The following VPS13B variants were observed in gnomAD, a reference collection of about 807,000 sequenced individuals.
VPS13B encodes intermembrane lipid transfer protein VPS13B.
A neutral mutation model predicts 426.4 loss-of-function variants in VPS13B; 285 were observed. The observed-to-expected ratio is 0.67, with a 90% CI of 0.61 to 0.74. The LOEUF (loss-of-function observed/expected upper bound fraction) is 0.74. VPS13B is among the 30% of genes least tolerant of loss of function. VPS13B has a pLI of 0.00. For synonymous variants in VPS13B, 1,676 were observed against 1,676.4 expected, an observed-to-expected ratio of 1.00 and a Z score of 0.01; for missense variants, 4,537 against 4,782.6, an observed-to-expected ratio of 0.95 and a Z score of 1.51.
At chr8:99,720,658 TA>T (rs1271235042) in intron 38 of VPS13B, 106 bp downstream of exon 38, 2 of 1,316,542 alleles carry the variant, frequency 1.5e-6, no homozygotes, top group Non-Finnish European at 2.2e-6. Flanking sequence ...TAAAGTGCGT[TA>T]AAATTTGCAG....
intron 51 of VPS13B, among the ~76,000 whole-genome samples, chr8:99,827,233 G>A (rs1814743397): frequency 6.6e-6 from 1 of 152,158 alleles, no homozygotes; most frequent in Non-Finnish European, 1.5e-5. Context: ...ATTAATTACT[G>A]TCTCTATTTC....
At position 99,620,160 on chromosome 8, in the gene VPS13B, C is replaced by T. The variant is rs185176606; in HGVS notation, c.5221-21651C>T. Among the ~76,000 whole-genome samples the T allele has an allele frequency of 2.9e-3, 438 of 151,862 alleles. 4 individuals are homozygous for T. Among genetic ancestry groups the T allele is most frequent in the African/African-American group, 9.9e-3 (411 of 41,432 alleles). On this transcript the variant is annotated intron_variant, in intron 33 of 61. Transcript: ENST00000357162. Reference sequence around the variant, plus strand: ...AAGTTTTTCTGTGTTTGAAAATTTTCGTGATGACATTGAAAAAAATAAGTT... The same window carrying T: ...AAGTTTTTCTGTGTTTGAAAATTTTTGTGATGACATTGAAAAAAATAAGTT...
intron 25 of VPS13B, among the ~76,000 whole-genome samples, chr8:99,494,068 C>T (rs775748771): frequency 5.9e-5 from 9 of 152,056 alleles, no homozygotes; most frequent in Non-Finnish European, 1.0e-4. Context: ...ATGCTAAACA[C>T]ATGTAATGTG....
chr8:99,724,697 C>T (rs954773534), intron 39 of VPS13B, among the ~76,000 whole-genome samples: 1 of 152,098 alleles, frequency 6.6e-6, no homozygotes, highest in Non-Finnish European at 1.5e-5. Context: ...TTGTTTCCTC[C>T]CCTCCGCTTT....
At chr8:99,451,305 C>A (rs1032255618) in intron 23 of VPS13B, among the ~76,000 whole-genome samples, 1 of 152,006 alleles carries the variant, frequency 6.6e-6, no homozygotes, top group Non-Finnish European at 1.5e-5. Context: ...TTTTGTATTT[C>A]TTTATTTTCC....
intron 17 of VPS13B, among the ~76,000 whole-genome samples, chr8:99,214,620 A>G (rs1028111139): frequency 3.3e-5 from 5 of 152,138 alleles, no homozygotes; most frequent in Non-Finnish European, 5.9e-5. Flanking sequence ...CTTTTTACCT[A>G]TGTTTAATCA....
chr8:99,022,936 T>G (rs1029800869), intron 2 of VPS13B, among the ~76,000 whole-genome samples: 1 of 152,150 alleles, frequency 6.6e-6, no homozygotes, highest in Non-Finnish European at 1.5e-5. Flanking sequence ...ATTTTGTTTT[T>G]CTACTCTCAA....
rs554153041 is a variant in VPS13B, at chr8:99,666,295, G to A, written c.6046+4804G>A. ...TCAGTAGAAAAACAGGGAATCCTCC[G>A]TAACTCATTTTATGAGGCCAGCATC... On this transcript the variant is annotated intron_variant, in intron 35 of 61. Transcript: ENST00000357162. 1.8e-4 allele frequency among the ~76,000 whole-genome samples: 28 copies of A among 152,226 alleles called. No homozygotes were observed. In the South Asian group the frequency reaches 4.6e-3, roughly 25 times the overall value.
intron 20 of VPS13B, among the ~76,000 whole-genome samples, chr8:99,387,567 C>T (rs1386561524): frequency 6.6e-6 from 1 of 152,068 alleles, no homozygotes; most frequent in Admixed American, 6.6e-5. Context: ...TATTTTACTA[C>T]AGTTTGGCAT....
At chr8:99,437,778 A>G (rs1266005259) in intron 22 of VPS13B, among the ~76,000 whole-genome samples, 1 of 152,150 alleles carries the variant, frequency 6.6e-6, no homozygotes, top group African/African-American at 2.4e-5. Context: ...ACAATAGATT[A>G]GCATAAGTTC....
At chr8:99,074,213 A>G (rs997448625) in intron 3 of VPS13B, among the ~76,000 whole-genome samples, 2 of 152,084 alleles carry the variant, frequency 1.3e-5, no homozygotes, top group East Asian at 3.9e-4. Flanking sequence ...GGCCTTTATT[A>G]TGTTGAGGTG....
At chr8:99,138,523 A>G (rs1326062736) in intron 12 of VPS13B, among the ~76,000 whole-genome samples, 2 of 152,186 alleles carry the variant, frequency 1.3e-5, no homozygotes, top group Non-Finnish European at 2.9e-5. Context: ...GTTAATTTTC[A>G]TGGGCCTGAC....
chr8:99,453,184 A>G (rs1447820575), intron 23 of VPS13B, among the ~76,000 whole-genome samples: 2 of 151,458 alleles, frequency 1.3e-5, no homozygotes, highest in Non-Finnish European at 2.9e-5. Flanking sequence ...TGTTCACCTT[A>G]GTGGTTTATA....
chr8:99,098,152 G>C (rs1379187176), intron 4 of VPS13B, among the ~76,000 whole-genome samples: 1 of 151,890 alleles, frequency 6.6e-6, no homozygotes, highest in Admixed American at 6.6e-5. Flanking sequence ...TCTGTTTTTT[G>C]TTCCTGTTTC....
chr8:99,841,991 GCC>G (rs1815710160), intron 54 of VPS13B, among the ~76,000 whole-genome samples: 1 of 152,002 alleles, frequency 6.6e-6, no homozygotes, highest in Non-Finnish European at 1.5e-5. Flanking sequence ...GACCAATCAG[GCC>G]CCGTCTCACT....
At chr8:99,285,568 G>T (rs145244930) in intron 19 of VPS13B, among the ~76,000 whole-genome samples, 1 of 152,006 alleles carries the variant, frequency 6.6e-6, no homozygotes, top group African/African-American at 2.4e-5. Flanking sequence ...GGATCAAAAA[G>T]GTACCAGTAT....
chr8:99,831,747 A>G (rs1815073531), intron 51 of VPS13B, among the ~76,000 whole-genome samples: 1 of 152,252 alleles, frequency 6.6e-6, no homozygotes, highest in African/African-American at 2.4e-5. Flanking sequence ...ATCAAGTATT[A>G]CAAGTAATAT....
At chr8:99,057,860 C>T (rs942641652) in intron 3 of VPS13B, among the ~76,000 whole-genome samples, 9 of 152,152 alleles carry the variant, frequency 5.9e-5, no homozygotes, top group African/African-American at 2.2e-4. Context: ...GCTTTCCTAT[C>T]TCTTGAGTGT....
intron 35 of VPS13B, among the ~76,000 whole-genome samples, chr8:99,695,465 G>A (rs1238811728): frequency 5.6e-5 from 8 of 143,716 alleles, no homozygotes; most frequent in Non-Finnish European, 9.0e-5. Context: ...ACCAAACACC[G>A]CATATTCTCA....
Sources: gnomAD v4.1 joint callset for allele counts (sites outside exome capture counted in the v4.1 genomes callset) on GRCh38, gnomAD v4.1.1 for gene constraint, MANE v1.5 for transcripts, NCBI Gene and HGNC (gene_info 2026-07-23, HGNC 2026-07-21) for gene names.